ADGRB3: variants seen among roughly 807,000 people sequenced by gnomAD.
ADGRB3 encodes brain-specific angiogenesis inhibitor 3.
ADGRB3 carries 37 observed loss-of-function variants against 193.4 expected under a neutral mutation model. That is an observed-to-expected ratio of 0.19 (90% CI 0.15 to 0.25). ADGRB3 has a LOEUF of 0.25. Among genes scored for constraint, ADGRB3 ranks in the 10% least tolerant of loss-of-function variants. The pLI is 1.00. For synonymous variants in ADGRB3, 690 were observed against 644.2 expected (o/e 1.07, Z -1.08); for missense variants, 1,637 against 1,852.9 (o/e 0.88, Z 2.14).
At chr6:68,999,811 G>T (rs1769513248) in intron 11 of ADGRB3, among the ~76,000 whole-genome samples, 1 of 151,900 alleles carries the variant, frequency 6.6e-6, no homozygotes, top group African/African-American at 2.4e-5. Context: ...TTGTCCCTAG[G>T]GCTTAGCTTG....
intron 17 of ADGRB3, among the ~76,000 whole-genome samples, chr6:69,100,747 C>T (rs964822909): frequency 6.9e-6 from 1 of 144,754 alleles, no homozygotes; most frequent in East Asian, 2.1e-4. Flanking sequence ...CCTTTAAAGC[C>T]TTTAAATTCA....
intron 11 of ADGRB3, 27 bp downstream of exon 11, chr6:68,993,989 A>C: frequency 1.9e-6 from 3 of 1,602,214 alleles, no homozygotes; most frequent in Non-Finnish European, 2.6e-6. Flanking sequence ...CGTGAAGGAA[A>C]GGGCTAGTGA....
At chr6:69,248,089 G>T (rs1418345003) in intron 20 of ADGRB3, among the ~76,000 whole-genome samples, 2 of 152,090 alleles carry the variant, frequency 1.3e-5, no homozygotes, top group African/African-American at 4.8e-5. Context: ...CTCACAGAAA[G>T]GTTAAAGAAT....
chr6:68,781,969 T>A (rs1409876008), intron 3 of ADGRB3, among the ~76,000 whole-genome samples: 1 of 152,070 alleles, frequency 6.6e-6, no homozygotes, highest in African/African-American at 2.4e-5. Flanking sequence ...ATACTCTTTT[T>A]TTTATTTTAT....
At chr6:68,997,027 A>AAAT (rs1458783932) in intron 11 of ADGRB3, among the ~76,000 whole-genome samples, 3 of 152,198 alleles carry the variant, frequency 2.0e-5, no homozygotes, top group Non-Finnish European at 4.4e-5. Flanking sequence ...ATATTCTTTT[A>AAAT]AATGTAGTTA....
intron 3 of ADGRB3, among the ~76,000 whole-genome samples, chr6:68,845,859 A>C (rs1269893926): frequency 6.6e-6 from 1 of 152,182 alleles, no homozygotes; most frequent in Non-Finnish European, 1.5e-5. Flanking sequence ...TGCTGAAAAG[A>C]TACCCCAAAA....
intron 19 of ADGRB3, among the ~76,000 whole-genome samples, chr6:69,236,102 A>G (rs572068518): frequency 6.6e-6 from 1 of 152,020 alleles, no homozygotes; most frequent in Non-Finnish European, 1.5e-5. Context: ...CATTCAGTTG[A>G]AAAATGAATT....
chr6:69,296,095 A>T (rs1401478354), intron 20 of ADGRB3, among the ~76,000 whole-genome samples: 1 of 152,170 alleles, frequency 6.6e-6, no homozygotes, highest in East Asian at 1.9e-4. Flanking sequence ...TGGCATTTAA[A>T]CTAAACAATA....
chr6:68,837,025 A>G (rs1277763653), intron 3 of ADGRB3, among the ~76,000 whole-genome samples: 1 of 152,182 alleles, frequency 6.6e-6, no homozygotes, highest in Non-Finnish European at 1.5e-5. Flanking sequence ...TTCTTTCTCC[A>G]ATTCTCCACT....
At chr6:68,956,974 A>G (rs1768094411) in intron 8 of ADGRB3, among the ~76,000 whole-genome samples, 165 bp downstream of exon 8, 1 of 152,186 alleles carries the variant, frequency 6.6e-6, no homozygotes, top group Non-Finnish European at 1.5e-5. Context: ...TCCCCTGTTT[A>G]TGTGTCATAG....
intron 3 of ADGRB3, among the ~76,000 whole-genome samples, chr6:68,670,470 T>G (rs1335608374): frequency 6.6e-6 from 1 of 152,030 alleles, no homozygotes; most frequent in Non-Finnish European, 1.5e-5. Context: ...GGATCTAGTG[T>G]TGTTGTTCTG....
At chr6:68,723,885 G>A (rs12210045) in intron 3 of ADGRB3, among the ~76,000 whole-genome samples, 59,577 of 151,258 alleles carry the variant, frequency 0.39, 12,250 homozygotes, top group East Asian at 0.64. Flanking sequence ...TTGAGTGTCA[G>A]TATCTAAGAG....
intron 17 of ADGRB3, among the ~76,000 whole-genome samples, chr6:69,200,100 TG>T (rs1195813587): frequency 1.3e-5 from 2 of 151,902 alleles, no homozygotes; most frequent in Non-Finnish European, 2.9e-5. Flanking sequence ...TGTATGTTTT[TG>T]TTATTTTTAC....
chr6:69,215,631 T>C (rs1307014863), intron 17 of ADGRB3, among the ~76,000 whole-genome samples: 1 of 152,126 alleles, frequency 6.6e-6, no homozygotes, highest in Non-Finnish European at 1.5e-5. Flanking sequence ...CTATAAGAGA[T>C]ATAATGTAGC....
intron 20 of ADGRB3, among the ~76,000 whole-genome samples, chr6:69,287,704 C>CT (rs1293129937): frequency 6.6e-6 from 1 of 152,216 alleles, no homozygotes; most frequent in Non-Finnish European, 1.5e-5. Flanking sequence ...ATCTCATACT[C>CT]TTTCATTATA....
chr6:69,194,257 A>G (rs1478305172), intron 17 of ADGRB3, among the ~76,000 whole-genome samples: 1 of 152,182 alleles, frequency 6.6e-6, no homozygotes, highest in African/African-American at 2.4e-5. Context: ...TGGAAATGAG[A>G]GCGTGTGGGG....
intron 17 of ADGRB3, among the ~76,000 whole-genome samples, chr6:69,084,011 G>C (rs530999726): frequency 1.3e-5 from 2 of 152,124 alleles, no homozygotes; most frequent in East Asian, 3.9e-4. Flanking sequence ...CTGACCTCAA[G>C]TGATTCACCC....
chr6:69,076,239 T>C (rs1772229408), intron 17 of ADGRB3, among the ~76,000 whole-genome samples: 1 of 152,130 alleles, frequency 6.6e-6, no homozygotes, highest in East Asian at 1.9e-4. Context: ...CATCTCAAGA[T>C]AGTATTGCAT....
chr6:69,207,769 G>A (rs562533517), intron 17 of ADGRB3, among the ~76,000 whole-genome samples: 1 of 152,294 alleles, frequency 6.6e-6, no homozygotes, highest in South Asian at 2.1e-4. Flanking sequence ...ATGAGCGTGA[G>A]CCTGTTGCCT....
Sources: allele counts gnomAD v4.1 joint callset (sites outside exome capture counted in the v4.1 genomes callset), GRCh38; gene constraint gnomAD v4.1.1; transcripts MANE v1.5; gene names NCBI Gene and HGNC (gene_info 2026-07-23, HGNC 2026-07-21).